ALG6: variants seen among roughly 807,000 people sequenced by gnomAD.
The protein encoded by ALG6 is ALG6 alpha-1,3-glucosyltransferase, also known as dolichyl pyrophosphate Man9GlcNAc2 alpha-1,3-glucosyltransferase.
Under a neutral mutation model 66.6 loss-of-function variants are expected in ALG6, and 46 were observed. That is an observed-to-expected ratio of 0.69 (90% CI 0.55 to 0.88). The LOEUF (loss-of-function observed/expected upper bound fraction) is 0.88, where lower values mean the gene tolerates loss of function less well. ALG6 is among the 40% of genes least tolerant of loss of function. ALG6 has a pLI of 0.00. For missense variants in ALG6, 505 were observed against 586.8 expected (o/e 0.86, Z 1.44); for synonymous variants, 185 against 203.7 (o/e 0.91, Z 0.78).
chr1:63,409,248 T>C (rs770932494), intron 7 of ALG6, among the ~76,000 whole-genome samples: 30 of 152,260 alleles, frequency 2.0e-4, no homozygotes, highest in Non-Finnish European at 3.2e-4. Context: ...TTGTTGCTAT[T>C]ATTACCATTT....
At chr1:63,419,276 TC>T in intron 11 of ALG6, 93 bp from the exon 12 acceptor site, 1 of 1,061,706 alleles carries the variant, frequency 9.4e-7, no homozygotes, top group East Asian at 2.4e-5. Flanking sequence ...CTTTCAACTT[TC>T]ATTTGAAATG....
chr1:63,391,194 C>A (rs926047931), intron 2 of ALG6, among the ~76,000 whole-genome samples: 3 of 152,158 alleles, frequency 2.0e-5, no homozygotes, highest in African/African-American at 4.8e-5. Flanking sequence ...CATTTTCCTT[C>A]TGTCCTTCTA....
At chr1:63,404,565 T>C (rs757261357) in intron 5 of ALG6, 24 bp downstream of exon 5, 2 of 1,606,146 alleles carry the variant, frequency 1.2e-6, no homozygotes, top group South Asian at 2.2e-5. Context: ...GGGTAGTGAA[T>C]ATAAAATTTG....
chr1:63,373,859 C>G (rs755731199), intron 2 of ALG6, among the ~76,000 whole-genome samples: 9 of 151,374 alleles, frequency 5.9e-5, no homozygotes, highest in Non-Finnish European at 1.5e-5. Context: ...TGGGCTCGAG[C>G]AATACTCCTG....
In ALG6 at chr1:63,436,845, T is replaced by C; in HGVS notation, c.1349T>C (p.Met450Thr). 3 of 1,613,900 alleles carry C rather than the reference T, an allele frequency of 1.9e-6. No homozygotes were observed. The highest frequency in any genetic ancestry group is 1.1e-5 in the South Asian group (1 of 91,086). ...QYLFLISVIT[M>T]VLLTLMTVTL... Reference sequence around the variant, plus strand: ...CAGTTTCTTATCTCAGTCATCACTATGGTGCTTCTGACGTTGATGACTGTC... The same window carrying C: ...CAGTTTCTTATCTCAGTCATCACTACGGTGCTTCTGACGTTGATGACTGTC... Residue 450 changes from methionine to threonine, a missense_variant, in exon 15 of 15, where the codon ATG (methionine) becomes ACG (threonine). Transcript: ENST00000263440.
At chr1:63,411,896 T>C in intron 8 of ALG6, 30 bp from the exon 9 acceptor site, 1 of 1,613,912 alleles carries the variant, frequency 6.2e-7, no homozygotes, top group Non-Finnish European at 8.5e-7. Flanking sequence ...CCTTTCCCTA[T>C]CTTACTGCCT....
chr1:63,414,856 A>C (rs973288151), intron 10 of ALG6, among the ~76,000 whole-genome samples: 11 of 152,184 alleles, frequency 7.2e-5, no homozygotes, highest in Admixed American at 6.5e-4. Context: ...GTCACAAGGC[A>C]GGCAGTCAGG....
intron 2 of ALG6, among the ~76,000 whole-genome samples, chr1:63,381,587 G>A (rs1190917509): frequency 6.6e-6 from 1 of 151,748 alleles, no homozygotes; most frequent in Non-Finnish European, 1.5e-5. Context: ...CAAGGCCGCA[G>A]TGAGCCGTGA....
At position 63,436,929 on chromosome 1, in the gene ALG6, C is replaced by G; in HGVS notation, c.1433C>G (p.Ser478Cys). The G allele has an allele frequency of 1.9e-6, 3 of 1,613,776 alleles. No homozygotes were observed. Among genetic ancestry groups the G allele is most frequent in the Non-Finnish European group, 2.5e-6 (3 of 1,179,764 alleles). ...TTTTCTGTATTGGTGTGTTTTGTAT[C>G]TTGCTTGAACTTCCTGTTCTTCTTG... ...DLFSVLVCFV[S>C]CLNFLFFLVY... Residue 478 changes from serine to cysteine, a missense_variant, in exon 15 of 15, where the codon TCT becomes TGT. Transcript: ENST00000263440.
chr1:63,396,115 T>TG (rs1340303265), intron 2 of ALG6, among the ~76,000 whole-genome samples: 4 of 152,168 alleles, frequency 2.6e-5, no homozygotes, highest in Admixed American at 6.5e-5. Context: ...TCTGTGGTAG[T>TG]GGGGGGTCCT....
intron 10 of ALG6, 55 bp from the exon 11 acceptor site, chr1:63,415,818 C>A: frequency 9.0e-7 from 1 of 1,113,500 alleles, no homozygotes; most frequent in Non-Finnish European, 1.3e-6. Context: ...CTTATTTAAG[C>A]TAGATTTATA....
rs1431423236 is a variant in ALG6 at position 63,422,298 on chromosome 1, G to T, written c.1058+2858G>T. ...ATATATAAATATATATATTTATATA[G>T]ATATAAATATATATCTATATATGAA... On this transcript the variant is annotated intron_variant, in intron 12 of 14. Coordinates refer to ENST00000263440, the MANE Select transcript of ALG6 (RefSeq NM_013339.4). Among the ~76,000 whole-genome samples, 42 of 60,852 alleles carry T rather than the reference G, an allele frequency of 6.9e-4. 2 individuals are homozygous for T. Among genetic ancestry groups the T allele is most frequent in the South Asian group, 1.6e-3 (4 of 2,458 alleles). 39.9% of individuals were successfully genotyped at this position (60,852 alleles called of 152,430 possible).
chr1:63,396,239 T>G (rs547502817), intron 2 of ALG6, among the ~76,000 whole-genome samples: 77 of 152,316 alleles, frequency 5.1e-4, no homozygotes, highest in African/African-American at 1.8e-3. Flanking sequence ...ATCCATTATC[T>G]TATTTATTCC....
At chr1:63,394,734 A>G (rs142607434) in intron 2 of ALG6, among the ~76,000 whole-genome samples, 345 of 152,302 alleles carry the variant, frequency 2.3e-3, no homozygotes, top group African/African-American at 8.0e-3. Flanking sequence ...GCATTACAGA[A>G]TAGGAGCTAA....
At chr1:63,415,217 T>C (rs1644540054) in intron 10 of ALG6, among the ~76,000 whole-genome samples, 1 of 152,066 alleles carries the variant, frequency 6.6e-6, no homozygotes, top group Non-Finnish European at 1.5e-5. Context: ...CTGGGAAAAA[T>C]CAGTTATTGT....
intron 2 of ALG6, among the ~76,000 whole-genome samples, chr1:63,394,823 G>A (rs1223262916): frequency 6.6e-6 from 1 of 150,920 alleles, no homozygotes; most frequent in African/African-American, 2.4e-5. Flanking sequence ...CATTGCCTTT[G>A]TTTTCCCAGC....
chr1:63,400,222 CGTATAT>C lies in ALG6; in HGVS notation c.168-2031_168-2026del, dbSNP rs1644442069. On this transcript the variant is annotated intron_variant, in intron 3 of 14. Coordinates refer to ENST00000263440, the MANE Select transcript of ALG6 (RefSeq NM_013339.4). ...AAAAAAAAAAATATATATATATATA[CGTATAT>C]ATATATATATATATACGTATATATA... 4.1e-4 allele frequency among the ~76,000 whole-genome samples: 5 copies of C among 12,248 alleles called. 1 individual carries two copies. Among genetic ancestry groups the C allele is most frequent in the African/African-American group, 4.0e-3 (5 of 1,246 alleles). The allele number at this position is 12,248 out of a possible 152,430, so 8.0% of individuals were successfully genotyped here.
chr1:63,436,967 AT>A lies in ALG6; in HGVS notation c.1473del (p.Ile492LeufsTer26). 1 of 1,613,618 alleles carries A rather than the reference AT, an allele frequency of 6.2e-7. No homozygotes were observed. The highest frequency in any genetic ancestry group is 8.5e-7 in the Non-Finnish European group (1 of 1,179,674). On this transcript the variant is annotated frameshift_variant, in exon 15 of 15. Transcript: ENST00000263440. LOFTEE classifies it high-confidence loss of function. Reference sequence around the variant, plus strand: ...CCTGTTCTTCTTGGTATACTTTAACATTATTATTATGTGGGATTCCAAAAGT... The same window carrying A: ...CCTGTTCTTCTTGGTATACTTTAACATATTATTATGTGGGATTCCAAAAGT... The part of the protein sequence containing the change: ...NFLFFLVYFN[I>X]IIMWDSKSGR...
In ALG6 at chr1:63,375,301, A is replaced by G. The variant is rs1488133351; in HGVS notation, c.82+4242A>G. Among the ~76,000 whole-genome samples, 3 of 147,580 alleles carry G rather than the reference A, an allele frequency of 2.0e-5. No individual in the cohort carries two copies. In the East Asian group the frequency reaches 6.9e-4, roughly 34 times the overall value. On this transcript the variant is annotated intron_variant, in intron 2 of 14. Coordinates refer to ENST00000263440, the MANE Select transcript of ALG6 (RefSeq NM_013339.4). ...GCTCTGTTGCCCAGGCTGGAGGGCA[A>G]TGGTGCAATCTCGGCTCACTACAAT... is the stretch of plus-strand genomic sequence containing the variant.
Sources: gnomAD v4.1 joint callset for allele counts (sites outside exome capture counted in the v4.1 genomes callset) on GRCh38, gnomAD v4.1.1 for gene constraint, MANE v1.5 for transcripts, NCBI Gene and HGNC (gene_info 2026-07-23, HGNC 2026-07-21) for gene names.